The following KIF26B variants were observed in gnomAD, a reference collection of about 807,000 sequenced individuals.
The protein encoded by KIF26B is kinesin-like protein KIF26B.
KIF26B carries 63 observed loss-of-function variants against 151.2 expected under a neutral mutation model. The ratio of observed to expected loss-of-function variants is 0.42; its 90% CI spans 0.34 to 0.51. The LOEUF is 0.51. Among genes scored for constraint, KIF26B ranks in the 20% least tolerant of loss-of-function variants. KIF26B has a pLI of 0.07. For synonymous variants in KIF26B, 1,357 were observed against 1,262.1 expected (o/e 1.08, Z -1.59); for missense variants, 2,813 against 2,913.6 (o/e 0.97, Z 0.79).
chr1:245,457,096 C>T (rs909913054), intron 4 of KIF26B, among the ~76,000 whole-genome samples: 5 of 152,204 alleles, frequency 3.3e-5, no homozygotes, highest in Non-Finnish European at 5.9e-5. Context: ...GAACTCCTGA[C>T]GTCAGGTGAT....
rs2103031400 is a variant in KIF26B, at chr1:245,410,381, C to G, written c.1000-9198C>G. ...TATGACCACACTCTCTAAAATGGCA[C>G]AGCAGGTAGGTAGCCACGTGGAACA... On this transcript the variant is annotated intron_variant, in intron 3 of 14. Coordinates refer to ENST00000407071, the MANE Select transcript of KIF26B (RefSeq NM_018012.4). Among the ~76,000 whole-genome samples the G allele has an allele frequency of 1.3e-5, 2 of 152,316 alleles. 1 individual carries two copies. Among genetic ancestry groups the G allele is most frequent in the South Asian group, 4.1e-4 (2 of 4,820 alleles).
chr1:245,529,431 G>GCCC (rs769460405), intron 4 of KIF26B, among the ~76,000 whole-genome samples: 5 of 152,228 alleles, frequency 3.3e-5, no homozygotes, highest in Admixed American at 2.0e-4. Context: ...TGAGACAAAA[G>GCCC]CCCCCAGCAA....
intron 2 of KIF26B, among the ~76,000 whole-genome samples, chr1:245,236,360 C>T (rs1670110839): frequency 1.3e-5 from 2 of 152,252 alleles, no homozygotes; most frequent in African/African-American, 2.4e-5. Flanking sequence ...TCAGCCTCAA[C>T]GTCTTCAACT....
chr1:245,429,386 A>G (rs1390980004), intron 4 of KIF26B, among the ~76,000 whole-genome samples: 2 of 152,196 alleles, frequency 1.3e-5, no homozygotes, highest in Non-Finnish European at 1.5e-5. Context: ...TGTGGCAATT[A>G]TAAAGATCTG....
chr1:245,190,634 G>GTTTTT lies in KIF26B; in HGVS notation c.465+33955_465+33956insTTTTT, dbSNP rs149338802. On this transcript the variant is annotated intron_variant, in intron 2 of 14. Transcript: ENST00000407071. ...CCTATAAGTTTTCCCTGAATGTTTT[G>GTTTTT]TTTTGTTTTTTTTTTTTTTTACATT... 2.0e-4 allele frequency among the ~76,000 whole-genome samples: 21 copies of GTTTTT among 106,812 alleles called. 1 individual carries two copies. Among genetic ancestry groups the GTTTTT allele is most frequent in the East Asian group, 1.2e-3 (4 of 3,440 alleles). The allele number at this position is 106,812 out of a possible 152,430, so 70.1% of individuals were successfully genotyped here.
intron 4 of KIF26B, among the ~76,000 whole-genome samples, chr1:245,482,890 G>T (rs1174280479): frequency 3.3e-5 from 5 of 151,800 alleles, no homozygotes; most frequent in Non-Finnish European, 5.9e-5. Flanking sequence ...GATCTGGGAG[G>T]GCGGTGTGAT....
At chr1:245,289,554 G>T (rs564578092) in intron 2 of KIF26B, among the ~76,000 whole-genome samples, 1 of 152,280 alleles carries the variant, frequency 6.6e-6, no homozygotes, top group East Asian at 1.9e-4. Context: ...CTGTGGCTTT[G>T]TGGCTCCAAT....
At chr1:245,656,743 AC>A (rs2044078818) in intron 10 of KIF26B, among the ~76,000 whole-genome samples, 1 of 152,078 alleles carries the variant, frequency 6.6e-6, no homozygotes. Flanking sequence ...AGAGTGTCCA[AC>A]CATAAATTCT....
chr1:245,614,614 C>T (rs1186796617), intron 9 of KIF26B, among the ~76,000 whole-genome samples: 1 of 152,228 alleles, frequency 6.6e-6, no homozygotes, highest in African/African-American at 2.4e-5. Flanking sequence ...GAGCTGCCTC[C>T]AGTGGCTGCT....
chr1:245,425,132 T>A (rs1429826186), intron 4 of KIF26B, among the ~76,000 whole-genome samples: 1 of 152,142 alleles, frequency 6.6e-6, no homozygotes, highest in East Asian at 1.9e-4. Flanking sequence ...TCATTAGATT[T>A]TCCCATTTGC....
Position 245,609,285 on chromosome 1 carries a change from C to T in KIF26B, c.1671C>T (p.Ile557=), listed in dbSNP as rs113032967. Residue 557 remains isoleucine (I), a synonymous_variant, in exon 8 of 15, where the codon ATC becomes ATT. Transcript: ENST00000407071. ...HAKLGKSYTM[I]GKDDSMQNLG... is the part of the protein sequence containing the mutation. ...TCCCAGGAAAATCCTACACCATGAT[C>T]GGAAAGGATGATTCCATGCAGAACC... is the stretch of plus-strand genomic sequence containing the variant. The T allele has an allele frequency of 4.7e-5, 75 of 1,605,948 alleles. No individual in the cohort carries two copies. In the African/African-American group the frequency reaches 6.4e-4, roughly 14 times the overall value.
intron 3 of KIF26B, among the ~76,000 whole-genome samples, chr1:245,383,744 G>T (rs1572034952): frequency 6.6e-6 from 1 of 152,194 alleles, no homozygotes; most frequent in Non-Finnish European, 1.5e-5. Flanking sequence ...CAAATAATGA[G>T]TAGAAAGGAT....
At chr1:245,638,001 A>G (rs556102338) in intron 9 of KIF26B, among the ~76,000 whole-genome samples, 10 of 152,056 alleles carry the variant, frequency 6.6e-5, no homozygotes, top group Middle Eastern at 3.4e-3. Flanking sequence ...TTGTGATTCT[A>G]TAAGAATTTT....
chr1:245,535,472 A>C (rs971562168), intron 4 of KIF26B, among the ~76,000 whole-genome samples: 12 of 152,162 alleles, frequency 7.9e-5, no homozygotes, highest in Non-Finnish European at 1.5e-4. Flanking sequence ...TCCTAAATGG[A>C]GTAGAGTCCA....
intron 2 of KIF26B, among the ~76,000 whole-genome samples, chr1:245,196,855 C>A (rs1325984629): frequency 6.6e-6 from 1 of 152,196 alleles, no homozygotes; most frequent in African/African-American, 2.4e-5. Context: ...GGTCCTATTA[C>A]CCCTATCCTC....
At chr1:245,695,292 AT>A (rs2044677411) in intron 12 of KIF26B, among the ~76,000 whole-genome samples, 1 of 152,036 alleles carries the variant, frequency 6.6e-6, no homozygotes, top group Non-Finnish European at 1.5e-5. Flanking sequence ...TGAGGGCACC[AT>A]CTCCGCCCCT....
intron 2 of KIF26B, among the ~76,000 whole-genome samples, chr1:245,289,250 T>A (rs1671215309): frequency 6.6e-6 from 1 of 152,152 alleles, no homozygotes. Flanking sequence ...GGTTACAGGG[T>A]GGGATTTGAA....
At chr1:245,595,406 A>C (rs1572147729) in intron 5 of KIF26B, among the ~76,000 whole-genome samples, 1 of 147,842 alleles carries the variant, frequency 6.8e-6, no homozygotes, top group African/African-American at 2.6e-5. Flanking sequence ...CCTTTTCTGC[A>C]TCTATTGAGA....
In KIF26B at chr1:245,429,721, C is replaced by T. The variant is rs188151166; in HGVS notation, c.1166+9976C>T. ...CTCCACCTCCTGGGTTCAAGCAATTCTTCCACCTCAGCCTCCCAAGTAGCT... is the reference window on the plus strand; with the variant it reads ...CTCCACCTCCTGGGTTCAAGCAATTTTTCCACCTCAGCCTCCCAAGTAGCT... On this transcript the variant is annotated intron_variant, in intron 4 of 14. Coordinates refer to ENST00000407071, the MANE Select transcript of KIF26B (RefSeq NM_018012.4). 6.1e-4 allele frequency among the ~76,000 whole-genome samples: 93 copies of T among 152,342 alleles called. 1 individual carries two copies. The highest frequency in any genetic ancestry group is 2.2e-3 in the African/African-American group (91 of 41,582).
Sources: gnomAD v4.1 joint callset for allele counts (sites outside exome capture counted in the v4.1 genomes callset) on GRCh38, gnomAD v4.1.1 for gene constraint, MANE v1.5 for transcripts, NCBI Gene and HGNC (gene_info 2026-07-23, HGNC 2026-07-21) for gene names.